SLIT2: variants seen among roughly 807,000 people sequenced by gnomAD.
SLIT2 encodes slit homolog 2 protein.
Under a neutral mutation model 185.7 loss-of-function variants are expected in SLIT2, and 41 were observed. The observed-to-expected ratio is 0.22, with a 90% CI of 0.17 to 0.29. The LOEUF is 0.29. SLIT2 is among the 10% of genes least tolerant of loss of function. The pLI is 1.00. For missense variants in SLIT2, 1,571 were observed against 1,909.0 expected, an observed-to-expected ratio of 0.82 and a Z score of 3.30; for synonymous variants, 693 against 680.2, an observed-to-expected ratio of 1.02 and a Z score of -0.29.
chr4:20,329,423 A>T (rs940292519), intron 4 of SLIT2, among the ~76,000 whole-genome samples: 7 of 152,160 alleles, frequency 4.6e-5, no homozygotes, highest in Middle Eastern at 3.4e-3. Flanking sequence ...CCTCATTCTT[A>T]TTAAATAAGG....
intron 9 of SLIT2, among the ~76,000 whole-genome samples, chr4:20,505,498 C>T (rs543126751): frequency 7.2e-5 from 11 of 152,102 alleles, no homozygotes; most frequent in African/African-American, 1.2e-4. Flanking sequence ...ACGAATTGAA[C>T]GCTAGAGAGC....
At chr4:20,351,721 A>G (rs1721893195) in intron 4 of SLIT2, among the ~76,000 whole-genome samples, 1 of 152,182 alleles carries the variant, frequency 6.6e-6, no homozygotes, top group African/African-American at 2.4e-5. Flanking sequence ...ACAGTATGAA[A>G]GGAAGGCCCT....
chr4:20,549,785 C>T (rs1723579142), intron 24 of SLIT2, among the ~76,000 whole-genome samples: 5 of 151,482 alleles, frequency 3.3e-5, no homozygotes, highest in Admixed American at 3.3e-4. Flanking sequence ...TATATTTATA[C>T]ATATATATAA....
chr4:20,456,874 C>T (rs180992235), intron 4 of SLIT2, among the ~76,000 whole-genome samples: 11 of 152,094 alleles, frequency 7.2e-5, no homozygotes, highest in South Asian at 2.1e-4. Flanking sequence ...TTAAAATTCA[C>T]GGTATTTATA....
chr4:20,418,248 T>C (rs1372267662), intron 4 of SLIT2, among the ~76,000 whole-genome samples: 2 of 152,196 alleles, frequency 1.3e-5, no homozygotes, highest in Non-Finnish European at 2.9e-5. Context: ...AAGTTATACA[T>C]GGTTAGATAA....
chr4:20,451,523 C>T (rs1712476223), intron 4 of SLIT2, among the ~76,000 whole-genome samples: 1 of 152,146 alleles, frequency 6.6e-6, no homozygotes, highest in African/African-American at 2.4e-5. Flanking sequence ...TGGTTAATTT[C>T]CTACTAATGC....
intron 11 of SLIT2, among the ~76,000 whole-genome samples, chr4:20,518,154 T>C (rs1720401348): frequency 7.0e-6 from 1 of 141,964 alleles, no homozygotes; most frequent in African/African-American, 2.5e-5. Flanking sequence ...TATATATACA[T>C]ATACATACAT....
At chr4:20,451,999 A>G (rs17610727) in intron 4 of SLIT2, among the ~76,000 whole-genome samples, 36,234 of 152,118 alleles carry the variant, frequency 0.24, 4,562 homozygotes, top group Non-Finnish European at 0.29. Context: ...GTTAAAAGTA[A>G]ATTTTGTCTC....
At chr4:20,554,462 T>C (rs567962543) in intron 26 of SLIT2, 8 of 346,718 alleles carry the variant, frequency 2.3e-5, no homozygotes, top group African/African-American at 1.5e-4. Context: ...CTTTTCCCTT[T>C]GTTTGATGTA....
rs971055652 is a variant in SLIT2, at chr4:20,467,842, A to G, written c.467+19A>G. ...AAAATTTGTAAGTATCTATTTTTAAATTTATAGTGTTTTAAGTCATTATCT... is the reference window on the plus strand; with the variant it reads ...AAAATTTGTAAGTATCTATTTTTAAGTTTATAGTGTTTTAAGTCATTATCT... On this transcript the variant is annotated intron_variant, in intron 5 of 36. Transcript: ENST00000504154. The G allele has an allele frequency of 3.8e-6, 5 of 1,314,352 alleles. No individual in the cohort carries two copies. In the African/African-American group the frequency reaches 5.9e-5, roughly 16 times the overall value. The allele number at this position is 1,314,352 out of a possible 1,614,324, so 81.4% of individuals were successfully genotyped here.
intron 33 of SLIT2, among the ~76,000 whole-genome samples, chr4:20,605,508 G>A (rs1031522760): frequency 6.6e-6 from 1 of 152,108 alleles, no homozygotes; most frequent in Non-Finnish European, 1.5e-5. Flanking sequence ...TGTAGTTTTT[G>A]TGAATCATAA....
intron 30 of SLIT2, among the ~76,000 whole-genome samples, chr4:20,593,088 A>G (rs1373189343): frequency 7.9e-5 from 12 of 152,168 alleles, no homozygotes; most frequent in Non-Finnish European, 1.3e-4. Context: ...TTCAAATCCT[A>G]ATAGCTTTGA....
At chr4:20,456,156 A>AT (rs1713043084) in intron 4 of SLIT2, among the ~76,000 whole-genome samples, 1 of 150,790 alleles carries the variant, frequency 6.6e-6, no homozygotes, top group Admixed American at 6.6e-5. Flanking sequence ...AGATTCCTAA[A>AT]TCCTTTGTTA....
chr4:20,409,809 C>A (rs1169838458), intron 4 of SLIT2, among the ~76,000 whole-genome samples: 2 of 152,136 alleles, frequency 1.3e-5, no homozygotes, highest in Non-Finnish European at 2.9e-5. Context: ...ATTTGCATTT[C>A]TCTAATGATC....
At chr4:20,442,589 A>C (rs1418265242) in intron 4 of SLIT2, among the ~76,000 whole-genome samples, 1 of 151,564 alleles carries the variant, frequency 6.6e-6, no homozygotes, top group Admixed American at 6.6e-5. Flanking sequence ...ACAAGGAGGA[A>C]GCTATGATGT....
chr4:20,314,132 A>T (rs532166527), intron 4 of SLIT2, among the ~76,000 whole-genome samples: 1 of 152,292 alleles, frequency 6.6e-6, no homozygotes, highest in South Asian at 2.1e-4. Context: ...GACACAGAGT[A>T]AAGTACCTGT....
At chr4:20,534,026 G>A (rs1284600914) in intron 18 of SLIT2, among the ~76,000 whole-genome samples, 1 of 152,072 alleles carries the variant, frequency 6.6e-6, no homozygotes, top group East Asian at 1.9e-4. Flanking sequence ...AGATGATCAG[G>A]AGCGTCCCCC....
rs141792658 is a variant in SLIT2 at position 20,558,399 on chromosome 4, A to G, written c.2725+4431A>G. The stretch of plus-strand genomic sequence containing the variant: ...GGAGACAACCTTGGCTAGCAGAAAG[A>G]TTACAACTAACTGAAGGCTCAGATG... On this transcript the variant is annotated intron_variant, in intron 26 of 36. Transcript: ENST00000504154. 7.4e-3 allele frequency among the ~76,000 whole-genome samples: 1,124 copies of G among 152,148 alleles called. 17 individuals are homozygous for G. The highest frequency in any genetic ancestry group is 0.02 in the Middle Eastern group (6 of 294).
At chr4:20,336,609 A>G (rs1033163415) in intron 4 of SLIT2, among the ~76,000 whole-genome samples, 1 of 152,206 alleles carries the variant, frequency 6.6e-6, no homozygotes, top group Non-Finnish European at 1.5e-5. Flanking sequence ...GCAGCACACC[A>G]ACATGGCACA....
Sources: allele counts gnomAD v4.1 joint callset (sites outside exome capture counted in the v4.1 genomes callset), GRCh38; gene constraint gnomAD v4.1.1; transcripts MANE v1.5; gene names NCBI Gene and HGNC (gene_info 2026-07-23, HGNC 2026-07-21).